KCNK12: variants seen among roughly 807,000 people sequenced by gnomAD.
KCNK12 encodes potassium channel subfamily K member 12.
A neutral mutation model predicts 25.3 loss-of-function variants in KCNK12; 6 were observed. That is an observed-to-expected ratio of 0.24 (90% CI 0.13 to 0.47). KCNK12 has a LOEUF of 0.47. KCNK12 is among the 20% of genes least tolerant of loss of function. The probability of loss-of-function intolerance (pLI) is 0.99; values close to 1 mark genes in which losing one functional copy is unlikely to be tolerated. For missense variants in KCNK12, 444 were observed against 661.7 expected (o/e 0.67, Z 3.61); for synonymous variants, 331 against 311.1 (o/e 1.06, Z -0.67).
At position 47,520,315 on chromosome 2, in the gene KCNK12, C is replaced by T. The variant is rs1475943954; in HGVS notation, c.*592G>A. The T allele has an allele frequency of 2.0e-5, 3 of 152,446 alleles. No homozygotes were observed. The highest frequency in any genetic ancestry group is 3.4e-3 in the Middle Eastern group (1 of 294). The allele number at this position is 152,446 out of a possible 1,614,324, so 9.4% of individuals were successfully genotyped here. A position where few individuals can be genotyped will look rare whatever the true frequency, so the allele number is the denominator to read the frequency against. On this transcript the variant is annotated 3_prime_UTR_variant, in exon 2 of 2. Coordinates refer to ENST00000327876, the MANE Select transcript of KCNK12 (RefSeq NM_022055.2). The surrounding 1 kb of genome is among the most constrained non-coding windows in gnomAD (Gnocchi z 5.0). ...CAATTTCCAAATCTGGGGGAAATGC[C>T]ACAGTCCGCAAGTTGGTGCTATGTT...
rs1303589760 is a variant in KCNK12, at chr2:47,569,968, A to C, written c.364T>G (p.Phe122Val). The C allele has an allele frequency of 7.0e-7, 1 of 1,430,682 alleles. No individual in the cohort carries two copies. The highest frequency in any genetic ancestry group is 3.2e-5 in the Admixed American group (1 of 31,690). The allele number at this position is 1,430,682 out of a possible 1,614,324, so 88.6% of individuals were successfully genotyped here. Residue 122 changes from phenylalanine (F) to valine (V), a missense_variant, in exon 1 of 2, where the codon TTC (phenylalanine) becomes GTC (valine). Transcript: ENST00000327876. The surrounding 1 kb of genome is among the most constrained non-coding windows in gnomAD (Gnocchi z 4.1). ...ATGGTTGACACCACGGTGCCCACGA[A>C]GTAGAAGGCGCCGGGGAAGTCCCAG... is the stretch of plus-strand genomic sequence containing the variant. ...PRWDFPGAFY[F>V]VGTVVSTIGF...
At position 47,512,605 on chromosome 2, in the gene KCNK12, T is replaced by C. The variant is rs777783379; in HGVS notation, c.*8302A>G. 2 of 682,708 alleles carry C rather than the reference T, an allele frequency of 2.9e-6. No individual in the cohort carries two copies. Among genetic ancestry groups the C allele is most frequent in the Non-Finnish European group, 4.8e-6 (2 of 417,368 alleles). 42.3% of individuals were successfully genotyped at this position (682,708 alleles called of 1,614,324 possible). On this transcript the variant is annotated 3_prime_UTR_variant, in exon 2 of 2. Coordinates refer to ENST00000327876, the MANE Select transcript of KCNK12 (RefSeq NM_022055.2). ...CCAGGACTTACAGTGAGAAAGCGCC[T>C]TCTGGGAACTTCACAATGGCTAAAG...
intron 1 of KCNK12, among the ~76,000 whole-genome samples, chr2:47,542,154 C>A (rs1162547319): frequency 2.0e-5 from 3 of 152,240 alleles, no homozygotes; most frequent in Admixed American, 2.0e-4. Flanking sequence ...CTGCTTCCAT[C>A]AGGCCTGCTG....
chr2:47,546,520 G>T (rs1402603338), intron 1 of KCNK12, among the ~76,000 whole-genome samples: 1 of 152,172 alleles, frequency 6.6e-6, no homozygotes, highest in East Asian at 1.9e-4. Context: ...AGACAGGTGT[G>T]GTAGCGAGCA....
chr2:47,550,787 T>A (rs1669413422), intron 1 of KCNK12, among the ~76,000 whole-genome samples: 1 of 152,100 alleles, frequency 6.6e-6, no homozygotes, highest in South Asian at 2.1e-4. Flanking sequence ...TCAGTAAATA[T>A]GCATTTCTTT....
chr2:47,529,575 T>C lies in KCNK12; in HGVS notation c.392-7767A>G. ...CTATATTGAGTAGCAGCCAGGCTAC[T>C]TGGAGAACAGACTGAACTCCAGGAA... On this transcript the variant is annotated intron_variant, in intron 1 of 1. Transcript: ENST00000327876. The surrounding 1 kb of genome is among the most constrained non-coding windows in gnomAD (Gnocchi z 4.3). Among the ~76,000 whole-genome samples the C allele has an allele frequency of 6.6e-6, 1 of 152,234 alleles. No homozygotes were observed. The highest frequency in any genetic ancestry group is 1.9e-4 in the East Asian group (1 of 5,196).
rs1029998807 is a variant in KCNK12, at chr2:47,570,392, C to T, written c.-61G>A. 72 of 1,210,612 alleles carry T rather than the reference C, an allele frequency of 5.9e-5. No homozygotes were observed. Among genetic ancestry groups the T allele is most frequent in the Non-Finnish European group, 7.1e-5 (69 of 975,586 alleles). The allele number at this position is 1,210,612 out of a possible 1,614,324, so 75.0% of individuals were successfully genotyped here. On this transcript the variant is annotated 5_prime_UTR_variant, in exon 1 of 2. Coordinates refer to ENST00000327876, the MANE Select transcript of KCNK12 (RefSeq NM_022055.2). The stretch of plus-strand genomic sequence containing the variant: ...CGGGGCCCGGGCCACGACATCCCCC[C>T]GGCGGGAGCAGGAGCGTGAGGATGG...
Position 47,512,327 on chromosome 2 carries a change from G to C in KCNK12, c.*8580C>G, listed in dbSNP as rs773888271. 1.2e-6 allele frequency: 2 copies of C among 1,612,670 alleles called. No homozygotes were observed. The highest frequency in any genetic ancestry group is 1.1e-5 in the South Asian group (1 of 90,986). ...GAACCTCAGAGTGACAGAGCCAAAAGACCAGTGCCTCATTTTGCTGACATG... is the reference window on the plus strand; with the variant it reads ...GAACCTCAGAGTGACAGAGCCAAAACACCAGTGCCTCATTTTGCTGACATG... On this transcript the variant is annotated 3_prime_UTR_variant, in exon 2 of 2. Coordinates refer to ENST00000327876, the MANE Select transcript of KCNK12 (RefSeq NM_022055.2).
intron 1 of KCNK12, among the ~76,000 whole-genome samples, chr2:47,534,514 A>ACCCC (rs1322353738): frequency 5.4e-5 from 2 of 37,358 alleles, no homozygotes; most frequent in Admixed American, 2.5e-4. Context: ...TGCCCCTTCT[A>ACCCC]ACCCCCCCCC....
chr2:47,529,838 T>A lies in KCNK12; in HGVS notation c.392-8030A>T, dbSNP rs1668879516. ...ACAGAACACCCAGTTAAATATGACT[T>A]GGGTAAACAAGAAATCATTTTTTAA... On this transcript the variant is annotated intron_variant, in intron 1 of 1. Coordinates refer to ENST00000327876, the MANE Select transcript of KCNK12 (RefSeq NM_022055.2). This position sits in a 1 kb window ranked among gnomAD's most constrained non-coding sequence, Gnocchi z 4.3. Among the ~76,000 whole-genome samples, 1 of 152,214 alleles carries A rather than the reference T, an allele frequency of 6.6e-6. No homozygotes were observed. Among genetic ancestry groups the A allele is most frequent in the Non-Finnish European group, 1.5e-5 (1 of 68,046 alleles).
intron 1 of KCNK12, among the ~76,000 whole-genome samples, chr2:47,536,960 G>C (rs999207570): frequency 6.6e-6 from 1 of 152,206 alleles, no homozygotes; most frequent in African/African-American, 2.4e-5. Context: ...CGATGTTCTT[G>C]TTTTGGTCTG....
Position 47,533,444 on chromosome 2 carries a change from T to C in KCNK12, c.392-11636A>G, listed in dbSNP as rs1277063703. Among the ~76,000 whole-genome samples the C allele has an allele frequency of 5.3e-5, 8 of 152,160 alleles. No homozygotes were observed. Among genetic ancestry groups the C allele is most frequent in the Admixed American group, 2.0e-4 (3 of 15,280 alleles). ...GCTGGGAAGCACGATGGGTGAGGCA[T>C]GGACCTTATTTCACAGCAAAGTGGC... On this transcript the variant is annotated intron_variant, in intron 1 of 1. Coordinates refer to ENST00000327876, the MANE Select transcript of KCNK12 (RefSeq NM_022055.2). This position sits in a 1 kb window ranked among gnomAD's most constrained non-coding sequence, Gnocchi z 4.7.
chr2:47,534,091 G>A lies in KCNK12; in HGVS notation c.392-12283C>T, dbSNP rs949465994. Among the ~76,000 whole-genome samples, 15 of 152,144 alleles carry A rather than the reference G, an allele frequency of 9.9e-5. No homozygotes were observed. The South Asian group carries it at 1.7e-3, about 17-fold the overall frequency. ...CAGGAGTAGGGGAGCTAGGGACAGA[G>A]GATGAACCCCACAGGCTCAGGCCAG... On this transcript the variant is annotated intron_variant, in intron 1 of 1. Transcript: ENST00000327876.
chr2:47,525,808 C>T lies in KCNK12; in HGVS notation c.392-4000G>A, dbSNP rs1668757190. Among the ~76,000 whole-genome samples the T allele has an allele frequency of 2.6e-5, 4 of 152,080 alleles. 1 individual carries two copies. The South Asian group carries it at 8.3e-4, about 31-fold the overall frequency. On this transcript the variant is annotated intron_variant, in intron 1 of 1. Coordinates refer to ENST00000327876, the MANE Select transcript of KCNK12 (RefSeq NM_022055.2). This position sits in a 1 kb window ranked among gnomAD's most constrained non-coding sequence, Gnocchi z 4.1. ...CTCAGGGAATGGGGCAGGGAGTGGTCCCTGTGCAGGGCTCCCAAGGACCCA... is the reference window on the plus strand; with the variant it reads ...CTCAGGGAATGGGGCAGGGAGTGGTTCCTGTGCAGGGCTCCCAAGGACCCA...
Position 47,565,887 on chromosome 2 carries a change from C to T in KCNK12, c.391+4054G>A, listed in dbSNP as rs1422954970. 1.3e-5 allele frequency: 2 copies of T among 152,206 alleles called. No individual in the cohort carries two copies. The highest frequency in any genetic ancestry group is 4.8e-5 in the African/African-American group (2 of 41,452). The allele number at this position is 152,206 out of a possible 1,614,324, so 9.4% of individuals were successfully genotyped here. ...AGTGCAGACAACATGCCAAAGGCCA[C>T]ACATGCATCTATGATGAGTGATGCT... is the stretch of plus-strand genomic sequence containing the variant. On this transcript the variant is annotated intron_variant, in intron 1 of 1. Transcript: ENST00000327876. This position sits in a 1 kb window ranked among gnomAD's most constrained non-coding sequence, Gnocchi z 5.0.
Position 47,570,860 on chromosome 2 carries a change from G to C in KCNK12, c.-529C>G, listed in dbSNP as rs1270405788. The C allele has an allele frequency of 6.6e-6, 1 of 152,254 alleles. No homozygotes were observed. Among genetic ancestry groups the C allele is most frequent in the Non-Finnish European group, 1.5e-5 (1 of 68,092 alleles). 9.4% of individuals were successfully genotyped at this position (152,254 alleles called of 1,614,324 possible). On this transcript the variant is annotated 5_prime_UTR_variant, in exon 1 of 2. Transcript: ENST00000327876. The stretch of plus-strand genomic sequence containing the variant: ...AGGTGCGGGCTGTGCGGGCAGTCCT[G>C]CTCCCGCCCCCGGGGCTGAGCTGGC...
intron 1 of KCNK12, among the ~76,000 whole-genome samples, chr2:47,568,192 G>A (rs953473521): frequency 6.6e-6 from 1 of 152,118 alleles, no homozygotes; most frequent in African/African-American, 2.4e-5. Context: ...GTGCCTCTAG[G>A]TGGAAGAAAG....
Position 47,532,227 on chromosome 2 carries a change from T to TAA in KCNK12, c.392-10421_392-10420dup, listed in dbSNP as rs70940695. ...CAAACAAACAAATTTGTAAATAGCA[T>TAA]AAAAAAAAAAAACCCTGGGGAGCAC... is the stretch of plus-strand genomic sequence containing the variant. On this transcript the variant is annotated intron_variant, in intron 1 of 1. Coordinates refer to ENST00000327876, the MANE Select transcript of KCNK12 (RefSeq NM_022055.2). Among the ~76,000 whole-genome samples the TAA allele has an allele frequency of 1.8e-3, 256 of 145,452 alleles. 2 individuals carry two copies. Among genetic ancestry groups the TAA allele is most frequent in the Middle Eastern group, 0.012 (3 of 260 alleles).
At chr2:47,526,621 T>C (rs1482900217) in intron 1 of KCNK12, among the ~76,000 whole-genome samples, 1 of 151,814 alleles carries the variant, frequency 6.6e-6, no homozygotes, top group Non-Finnish European at 1.5e-5. Context: ...TAATCCCAGC[T>C]ACTTGGGAGG....
Sources: allele counts gnomAD v4.1 joint callset (sites outside exome capture counted in the v4.1 genomes callset), GRCh38; gene constraint gnomAD v4.1.1; non-coding constraint Gnocchi (gnomAD v3.1); transcripts MANE v1.5; gene names NCBI Gene and HGNC (gene_info 2026-07-23, HGNC 2026-07-21).